Variants in MFSD12 observed in about 807,000 individuals in gnomAD.
MFSD12 encodes major facilitator superfamily domain-containing protein 12.
Under a neutral mutation model 51.2 loss-of-function variants are expected in MFSD12, and 67 were observed. That is an observed-to-expected ratio of 1.31 (90% CI 1.08 to 1.60). The LOEUF (loss-of-function observed/expected upper bound fraction) is 1.60. MFSD12 is among the 40% of genes most tolerant of loss of function. The probability of loss-of-function intolerance (pLI) is 0.00; values close to 1 mark genes in which losing one functional copy is unlikely to be tolerated. For missense variants in MFSD12, 921 were observed against 673.0 expected (o/e 1.37, Z -4.08); for synonymous variants, 441 against 316.7 (o/e 1.39, Z -4.17).
At position 3,551,232 on chromosome 19, in the gene MFSD12, G is replaced by A. The variant is rs750498835; in HGVS notation, c.299-38C>T. On this transcript the variant is annotated intron_variant, in intron 1 of 9. Transcript: ENST00000355415. This position sits in a 1 kb window ranked among gnomAD's most constrained non-coding sequence, Gnocchi z 4.6. ...GAGTGGTCAGTCGCGGGGCTGTCCC[G>A]CACCAGCCAGGGCTCCCAGGGTGAG... 15 of 1,497,226 alleles carry A rather than the reference G, an allele frequency of 1.0e-5. No individual in the cohort carries two copies. The highest frequency in any genetic ancestry group is 4.1e-5 in the African/African-American group (3 of 72,430). 92.7% of individuals were successfully genotyped at this position (1,497,226 alleles called of 1,614,324 possible).
intron 5 of MFSD12, 32 bp from the exon 6 acceptor site, chr19:3,547,396 G>C: frequency 6.2e-7 from 1 of 1,612,294 alleles, no homozygotes; most frequent in Non-Finnish European, 8.5e-7. Flanking sequence ...TGCCGTGTCA[G>C]TCATGGCTCG....
In MFSD12 at chr19:3,544,744, G is replaced by C. The variant is rs377445577; in HGVS notation, c.1421-12C>G. The C allele has an allele frequency of 6.2e-7, 1 of 1,605,130 alleles. No individual in the cohort carries two copies. The highest frequency in any genetic ancestry group is 1.3e-5 in the African/African-American group (1 of 74,762). On this transcript the variant is annotated splice_polypyrimidine_tract_variant and intron_variant, in intron 9 of 9. Coordinates refer to ENST00000355415, the MANE Select transcript of MFSD12 (RefSeq NM_174983.5). ...GGCATCACGGTCCCCTGCAAGGGAGGGGTGGAAATGGCATTAGAGAGTGTG... is the reference window on the plus strand; with the variant it reads ...GGCATCACGGTCCCCTGCAAGGGAGCGGTGGAAATGGCATTAGAGAGTGTG...
At chr19:3,543,677 T>G (rs779213109), downstream of MFSD12, 1 of 1,536,066 alleles carries the variant, frequency 6.5e-7, no homozygotes. Flanking sequence ...GGGCAAGGAA[T>G]ACGGTGAGGC....
downstream of MFSD12, chr19:3,542,927 A>G: frequency 1.4e-6 from 2 of 1,458,320 alleles, no homozygotes; most frequent in Non-Finnish European, 1.9e-6. Context: ...GGAATCCAGG[A>G]GTAGCCAGGG....
At chr19:3,546,455 C>G in intron 6 of MFSD12, 30 bp from the exon 7 acceptor site, 1 of 1,581,506 alleles carries the variant, frequency 6.3e-7, no homozygotes, top group Non-Finnish European at 8.6e-7. Flanking sequence ...GTCAGGCCCA[C>G]ACCACTGGGT....
intron 4 of MFSD12, 70 bp downstream of exon 4, chr19:3,547,778 G>A: frequency 7.0e-7 from 1 of 1,437,764 alleles, no homozygotes. Flanking sequence ...GGACGCAGCT[G>A]CCCCACAGAG....
chr19:3,538,645 A>G (rs1239813244), exon 5 of MFSD12: 12 of 312,774 alleles, frequency 3.8e-5, no homozygotes, highest in Middle Eastern at 5.5e-4. Context: ...GTCTCGTTCC[A>G]GCACGGTGGC....
chr19:3,549,048 C>T (rs201338021), intron 2 of MFSD12, among the ~76,000 whole-genome samples: 22 of 152,232 alleles, frequency 1.4e-4, no homozygotes, highest in Admixed American at 6.5e-4. Flanking sequence ...CTGAAATACG[C>T]GGGAGAGAAG....
chr19:3,554,785 A>C (rs1715093), intron 1 of MFSD12, among the ~76,000 whole-genome samples: 1 of 152,122 alleles, frequency 6.6e-6, no homozygotes, highest in East Asian at 1.9e-4. Context: ...TAAAGGGCAA[A>C]GTGAGTCCTT....
downstream of MFSD12, chr19:3,539,386 G>A (rs1197271277): frequency 1.6e-6 from 1 of 638,080 alleles, no homozygotes; most frequent in Non-Finnish European, 2.8e-6. Context: ...AGGCTCATGT[G>A]TGTGACGTCC....
chr19:3,545,065 C>T, intron 8 of MFSD12, 126 bp from the exon 9 acceptor site: 2 of 1,264,390 alleles, frequency 1.6e-6, no homozygotes, highest in Non-Finnish European at 1.1e-6. Context: ...GCTGGGGGCC[C>T]TGCCACTCCC....
In MFSD12 at chr19:3,551,810, C is replaced by T. The variant is rs1001819701; in HGVS notation, c.299-616G>A. ...CCTTTGCGACCTGCCCTGTCCCCTC[C>T]GTGCCCTGCCCTGCCCTTCCCTCTC... On this transcript the variant is annotated intron_variant, in intron 1 of 9. Coordinates refer to ENST00000355415, the MANE Select transcript of MFSD12 (RefSeq NM_174983.5). The surrounding 1 kb of genome is among the most constrained non-coding windows in gnomAD (Gnocchi z 4.6). Among the ~76,000 whole-genome samples, 8 of 152,170 alleles carry T rather than the reference C, an allele frequency of 5.3e-5. No homozygotes were observed. The highest frequency in any genetic ancestry group is 6.5e-5 in the Admixed American group (1 of 15,274).
At chr19:3,543,887 C>T, downstream of MFSD12, 4 of 1,550,832 alleles carry the variant, frequency 2.6e-6, no homozygotes, top group East Asian at 2.4e-5. Context: ...ACTACGTGCC[C>T]TCCCTGTCGG....
chr19:3,543,453 G>A (rs753766049), downstream of MFSD12: 151 of 1,543,700 alleles, frequency 9.8e-5, no homozygotes, highest in East Asian at 1.0e-3. Context: ...TACCAACACC[G>A]TGAGTGCAGC....
chr19:3,547,969 G>C lies in MFSD12; in HGVS notation c.716C>G (p.Thr239Ser), dbSNP rs572245945. The C allele has an allele frequency of 6.3e-7, 1 of 1,597,450 alleles. No individual in the cohort carries two copies. The highest frequency in any genetic ancestry group is 8.5e-7 in the Non-Finnish European group (1 of 1,178,672). Residue 239 changes from threonine to serine, a missense_variant, in exon 4 of 10, where the codon ACC (threonine) becomes AGC (serine). By Grantham distance (58) the Thr-to-Ser change is moderately conservative. Coordinates refer to ENST00000355415, the MANE Select transcript of MFSD12 (RefSeq NM_174983.5). ...CGCATGCGGCCGGCGCCTCTCCCGGGTGCCCAGGTGGAATAGCAGTGAGAA... is the reference window on the plus strand; with the variant it reads ...CGCATGCGGCCGGCGCCTCTCCCGGCTGCCCAGGTGGAATAGCAGTGAGAA... ...AVFSLLFHLG[T>S]RERRRPHAEE...
downstream of MFSD12, chr19:3,540,017 T>G (rs1379242726): frequency 2.0e-5 from 3 of 151,184 alleles, no homozygotes; most frequent in Non-Finnish European, 4.4e-5. Context: ...TTTGGAAGGC[T>G]AAGACAGGAG....
downstream of MFSD12, among the ~76,000 whole-genome samples, chr19:3,540,672 G>A (rs1161085842): frequency 6.6e-6 from 1 of 150,716 alleles, no homozygotes; most frequent in Non-Finnish European, 1.5e-5. Flanking sequence ...CTGAAGTCAG[G>A]AGTTCGAGAC....
chr19:3,552,186 T>C (rs903974757), intron 1 of MFSD12, among the ~76,000 whole-genome samples: 1 of 151,448 alleles, frequency 6.6e-6, no homozygotes, highest in Admixed American at 6.6e-5. Flanking sequence ...TTTTTTTTTT[T>C]AGACAGAGTC....
At chr19:3,539,536 T>G (rs958163865), downstream of MFSD12, 1 of 477,774 alleles carries the variant, frequency 2.1e-6, no homozygotes. Context: ...CACAGAAATG[T>G]TCGCCCTCTG....
Sources: allele counts gnomAD v4.1 joint callset (sites outside exome capture counted in the v4.1 genomes callset), GRCh38; gene constraint gnomAD v4.1.1; non-coding constraint Gnocchi (gnomAD v3.1); transcripts MANE v1.5; gene names NCBI Gene and HGNC (gene_info 2026-07-23, HGNC 2026-07-21).